PVT1: variants seen among roughly 807,000 people sequenced by gnomAD.
PVT1 encodes the protein Pvt1 oncogene.
intron 3 of PVT1, among the ~76,000 whole-genome samples, chr8:127,909,651 G>T (rs1300499186): frequency 6.6e-6 from 1 of 152,142 alleles, no homozygotes; most frequent in East Asian, 1.9e-4. Flanking sequence ...AACTGCTTTG[G>T]TCCCACTGTC....
intron 6 of PVT1, chr8:128,101,187 A>T (rs982060918): frequency 6.6e-6 from 1 of 152,214 alleles, no homozygotes; most frequent in African/African-American, 2.4e-5. Flanking sequence ...TTTGAATAAG[A>T]TGAGTACGAA....
At chr8:127,999,518 G>A (rs1421829423) in intron 4 of PVT1, among the ~76,000 whole-genome samples, 1 of 151,128 alleles carries the variant, frequency 6.6e-6, no homozygotes, top group Non-Finnish European at 1.5e-5. Context: ...CTGGAGTGCA[G>A]TGGTGTGATC....
At chr8:127,910,031 G>C (rs1815872358) in intron 3 of PVT1, among the ~76,000 whole-genome samples, 1 of 152,112 alleles carries the variant, frequency 6.6e-6, no homozygotes, top group African/African-American at 2.4e-5. Flanking sequence ...CAGAGGCTGG[G>C]TGTGTGGGGA....
At chr8:128,044,011 A>ATTTTTTTTTTTTT (rs66807418) in intron 4 of PVT1, among the ~76,000 whole-genome samples, 1 of 97,916 alleles carries the variant, frequency 1.0e-5, no homozygotes, top group African/African-American at 3.4e-5. Context: ...ATTATTATTT[A>ATTTTTTTTTTTTT]TTTATTTTTT....
chr8:127,849,434 G>A (rs1367209648), intron 2 of PVT1, among the ~76,000 whole-genome samples: 1 of 152,140 alleles, frequency 6.6e-6, no homozygotes, highest in East Asian at 1.9e-4. Context: ...GGTGTTCCCA[G>A]GAGGTGGAAA....
chr8:127,831,364 T>C (rs1814849279), intron 2 of PVT1, among the ~76,000 whole-genome samples: 1 of 151,958 alleles, frequency 6.6e-6, no homozygotes, highest in East Asian at 1.9e-4. Context: ...GTGTCTTCAA[T>C]GGACACGGGG....
intron 5 of PVT1, among the ~76,000 whole-genome samples, chr8:128,090,572 TG>T (rs1814338258): frequency 6.6e-6 from 1 of 151,930 alleles, no homozygotes; most frequent in African/African-American, 2.4e-5. Context: ...CCCAGGAGGA[TG>T]GGGGGCTGAG....
chr8:128,021,959 T>A (rs1817443854), intron 4 of PVT1, among the ~76,000 whole-genome samples: 1 of 152,046 alleles, frequency 6.6e-6, no homozygotes, highest in Non-Finnish European at 1.5e-5. Context: ...TGCTGAGGCA[T>A]GAGAATCGCT....
rs1239186259 is a variant in PVT1 at position 128,075,335 on chromosome 8, TG to T, written n.1114+4976del. ...CCTTCTGTGTTAGAACATATTCTTG[TG>T]GTCAGGGGCTGGATTTTTTTACCTT... On this transcript the variant is annotated intron_variant and non_coding_transcript_variant, in intron 5 of 10. Transcript: ENST00000651587. Among the ~76,000 whole-genome samples, 3 of 152,324 alleles carry T rather than the reference TG, an allele frequency of 2.0e-5. No individual in the cohort carries two copies. In the East Asian group the frequency reaches 5.8e-4, roughly 29 times the overall value.
At chr8:128,058,314 C>G (rs985624712) in intron 4 of PVT1, among the ~76,000 whole-genome samples, 2 of 152,006 alleles carry the variant, frequency 1.3e-5, no homozygotes, top group Non-Finnish European at 2.9e-5. Context: ...CAGTACATAC[C>G]TCTTCCAGAA....
chr8:127,802,749 C>G (rs920294707), intron 2 of PVT1, among the ~76,000 whole-genome samples: 2 of 152,096 alleles, frequency 1.3e-5, no homozygotes, highest in African/African-American at 4.8e-5. Context: ...AGGTGTTCTG[C>G]CGTGAATGAG....
At chr8:127,914,599 TG>T (rs1343672786) in intron 3 of PVT1, among the ~76,000 whole-genome samples, 4 of 152,182 alleles carry the variant, frequency 2.6e-5, no homozygotes, top group African/African-American at 9.7e-5. Flanking sequence ...AGTATTCAAC[TG>T]TAAAATGGAA....
intron 2 of PVT1, among the ~76,000 whole-genome samples, chr8:127,856,709 A>G (rs1293975516): frequency 1.3e-5 from 2 of 152,234 alleles, no homozygotes; most frequent in African/African-American, 4.8e-5. Flanking sequence ...TGAAGACTAA[A>G]TAAGTAAATG....
At chr8:127,812,758 GA>G (rs950117152) in intron 2 of PVT1, among the ~76,000 whole-genome samples, 1 of 151,858 alleles carries the variant, frequency 6.6e-6, no homozygotes, top group African/African-American at 2.4e-5. Context: ...CTATCTTGAC[GA>G]AAAAAGTCTC....
intron 5 of PVT1, among the ~76,000 whole-genome samples, chr8:128,079,730 T>C (rs946422405): frequency 6.6e-6 from 1 of 152,170 alleles, no homozygotes; most frequent in African/African-American, 2.4e-5. Flanking sequence ...TTTCTTTTTT[T>C]CTTTCTTTTT....
intron 2 of PVT1, among the ~76,000 whole-genome samples, chr8:127,820,890 G>C (rs1814720660): frequency 6.6e-6 from 1 of 152,120 alleles, no homozygotes. Context: ...TGTATTTTTA[G>C]TAGAGTTGGG....
intron 2 of PVT1, among the ~76,000 whole-genome samples, chr8:127,819,593 G>A (rs1247513214): frequency 6.6e-6 from 1 of 152,114 alleles, no homozygotes; most frequent in African/African-American, 2.4e-5. Flanking sequence ...TCTTCCTCCA[G>A]GGTTCCAGGT....
At chr8:128,091,620 G>C (rs2130168573) in intron 5 of PVT1, among the ~76,000 whole-genome samples, 1 of 152,342 alleles carries the variant, frequency 6.6e-6, no homozygotes. Context: ...GAGCGGTAAG[G>C]TGACAAAGAA....
At chr8:127,830,915 C>T (rs1263316707) in intron 2 of PVT1, among the ~76,000 whole-genome samples, 5 of 152,240 alleles carry the variant, frequency 3.3e-5, no homozygotes, top group African/African-American at 4.8e-5. Context: ...CCTCAGACAT[C>T]GGACTCCAAG....
Sources: gnomAD v4.1 joint callset for allele counts (sites outside exome capture counted in the v4.1 genomes callset) on GRCh38, gnomAD v4.1.1 for gene constraint, MANE v1.5 for transcripts, NCBI Gene and HGNC (gene_info 2026-07-23, HGNC 2026-07-21) for gene names.